Variants in NECAB1 observed in about 807,000 individuals in gnomAD.
The protein encoded by NECAB1 is N-terminal EF-hand calcium-binding protein 1.
A neutral mutation model predicts 57.5 loss-of-function variants in NECAB1; 29 were observed. The observed-to-expected ratio is 0.50, with a 90% CI of 0.38 to 0.69. The LOEUF is 0.69. Among genes scored for constraint, NECAB1 ranks in the 30% least tolerant of loss-of-function variants. The pLI, the probability that NECAB1 is intolerant of heterozygous loss-of-function variation, is 0.00. For synonymous variants in NECAB1, 142 were observed against 147.7 expected, an observed-to-expected ratio of 0.96 and a Z score of 0.28; for missense variants, 372 against 413.8, an observed-to-expected ratio of 0.90 and a Z score of 0.88.
At chr8:90,804,657 CAATT>C (rs1314150747) in intron 2 of NECAB1, among the ~76,000 whole-genome samples, 3 of 152,092 alleles carry the variant, frequency 2.0e-5, no homozygotes, top group African/African-American at 7.2e-5. Context: ...TTTATGATAA[CAATT>C]AAAATAAAAG....
chr8:90,872,285 T>C, intron 4 of NECAB1, 132 bp downstream of exon 4: 1 of 704,454 alleles, frequency 1.4e-6, no homozygotes. Context: ...AATCGAGATC[T>C]CAAGGGATTT....
At chr8:90,925,510 T>A in intron 6 of NECAB1, 25 bp from the exon 7 acceptor site, 1 of 1,608,166 alleles carries the variant, frequency 6.2e-7, no homozygotes, top group South Asian at 1.1e-5. Flanking sequence ...AACATTAAGG[T>A]TAAATGTTAT....
rs1323808014 is a variant in NECAB1, at chr8:90,813,230, TATATACACAC to T, written c.125-11485_125-11476del. On this transcript the variant is annotated intron_variant, in intron 2 of 12. Coordinates refer to ENST00000417640, the MANE Select transcript of NECAB1 (RefSeq NM_022351.5). Reference sequence around the variant, plus strand: ...AAATAAATAAATATATATATATGTATATATACACACACACACACACACACACACACACACA... The same window carrying T: ...AAATAAATAAATATATATATATGTATACACACACACACACACACACACACA... The T allele has an allele frequency of 4.6e-3, 639 of 138,632 alleles. 6 individuals carry two copies. Among genetic ancestry groups the T allele is most frequent in the African/African-American group, 0.016 (599 of 37,146 alleles). 8.6% of individuals were successfully genotyped at this position (138,632 alleles called of 1,614,324 possible). A position where few individuals can be genotyped will look rare whatever the true frequency, so the allele number is the denominator to read the frequency against.
intron 8 of NECAB1, among the ~76,000 whole-genome samples, chr8:90,933,729 TAA>T (rs1253935703): frequency 5.4e-5 from 8 of 146,852 alleles, no homozygotes; most frequent in African/African-American, 1.7e-4. Context: ...CCTATGGAAA[TAA>T]AAAAAAAAAC....
chr8:90,914,816 A>G (rs768024929), intron 5 of NECAB1, among the ~76,000 whole-genome samples: 22 of 152,222 alleles, frequency 1.4e-4, no homozygotes, highest in Non-Finnish European at 2.5e-4. Flanking sequence ...AATGCAATAA[A>G]TTCTTAGAGT....
chr8:90,854,174 A>G (rs1284280820), intron 3 of NECAB1, among the ~76,000 whole-genome samples: 1 of 152,176 alleles, frequency 6.6e-6, no homozygotes, highest in Non-Finnish European at 1.5e-5. Context: ...AAAATCTTGA[A>G]CATTAGTTCT....
chr8:90,853,319 G>C (rs925447048), intron 3 of NECAB1, among the ~76,000 whole-genome samples: 1 of 152,266 alleles, frequency 6.6e-6, no homozygotes, highest in Non-Finnish European at 1.5e-5. Flanking sequence ...GAAAGCTGCG[G>C]GCTGGGTAAA....
At chr8:90,885,321 T>A (rs1352159) in intron 5 of NECAB1, among the ~76,000 whole-genome samples, 1 of 151,898 alleles carries the variant, frequency 6.6e-6, no homozygotes, top group Non-Finnish European at 1.5e-5. Flanking sequence ...TACCTGGCAA[T>A]CATGTCACTG....
intron 5 of NECAB1, among the ~76,000 whole-genome samples, chr8:90,888,565 T>C (rs987396052): frequency 1.3e-5 from 2 of 152,202 alleles, no homozygotes; most frequent in African/African-American, 4.8e-5. Flanking sequence ...TCAGTTATTA[T>C]CATGTTGAAG....
chr8:90,826,703 T>C (rs933147400), intron 3 of NECAB1, among the ~76,000 whole-genome samples: 1 of 151,670 alleles, frequency 6.6e-6, no homozygotes, highest in African/African-American at 2.4e-5. Context: ...ATATGTTACA[T>C]TTAATTTATA....
At chr8:90,902,490 T>C (rs887211190) in intron 5 of NECAB1, among the ~76,000 whole-genome samples, 1 of 152,252 alleles carries the variant, frequency 6.6e-6, no homozygotes, top group South Asian at 2.1e-4. Context: ...AATTACGTTG[T>C]ACTTACTAAT....
intron 12 of NECAB1, among the ~76,000 whole-genome samples, chr8:90,954,491 G>C (rs1187440538): frequency 6.6e-6 from 1 of 151,888 alleles, no homozygotes; most frequent in East Asian, 1.9e-4. Context: ...CTACGGTTAT[G>C]GGAAAACAGG....
chr8:90,935,284 G>C (rs1028885879), intron 9 of NECAB1, among the ~76,000 whole-genome samples: 1 of 152,154 alleles, frequency 6.6e-6, no homozygotes, highest in African/African-American at 2.4e-5. Context: ...ATAATCCAAA[G>C]GGATTCTTCA....
intron 3 of NECAB1, among the ~76,000 whole-genome samples, chr8:90,860,250 T>TTC (rs1359758065): frequency 6.6e-6 from 1 of 151,262 alleles, no homozygotes; most frequent in Non-Finnish European, 1.5e-5. Flanking sequence ...TTTTTTTTTT[T>TTC]TTTTAACGTT....
intron 5 of NECAB1, among the ~76,000 whole-genome samples, chr8:90,893,507 A>C (rs796670767): frequency 2.0e-4 from 31 of 152,262 alleles, no homozygotes; most frequent in African/African-American, 7.0e-4. Flanking sequence ...ACCACAATCC[A>C]ATTCTGGACA....
At chr8:90,936,574 T>G (rs1402570093) in intron 9 of NECAB1, among the ~76,000 whole-genome samples, 2 of 152,152 alleles carry the variant, frequency 1.3e-5, no homozygotes, top group Non-Finnish European at 2.9e-5. Context: ...GCCTAAGTGT[T>G]TAGTGGATTT....
At chr8:90,842,876 T>C (rs534543889) in intron 3 of NECAB1, among the ~76,000 whole-genome samples, 38 of 152,324 alleles carry the variant, frequency 2.5e-4, no homozygotes, top group African/African-American at 9.1e-4. Flanking sequence ...AAAGGTTGCC[T>C]CAGAAAGTGG....
At chr8:90,907,872 G>A (rs1809729898) in intron 5 of NECAB1, among the ~76,000 whole-genome samples, 1 of 151,930 alleles carries the variant, frequency 6.6e-6, no homozygotes, top group South Asian at 2.1e-4. Context: ...GAGCCACAAG[G>A]GAAAATTAAA....
At chr8:90,851,258 A>C (rs1812676458) in intron 3 of NECAB1, among the ~76,000 whole-genome samples, 3 of 152,170 alleles carry the variant, frequency 2.0e-5, no homozygotes. Flanking sequence ...TAAACCAGTA[A>C]TAGTAAGTAA....
Sources: allele counts gnomAD v4.1 joint callset (sites outside exome capture counted in the v4.1 genomes callset), GRCh38; gene constraint gnomAD v4.1.1; transcripts MANE v1.5; gene names NCBI Gene and HGNC (gene_info 2026-07-23, HGNC 2026-07-21).